COG3: variants seen among roughly 807,000 people sequenced by gnomAD.
COG3 encodes the protein conserved oligomeric Golgi complex subunit 3.
COG3 carries 32 observed loss-of-function variants against 114.1 expected under a neutral mutation model. That is an observed-to-expected ratio of 0.28 (90% CI 0.21 to 0.38). The LOEUF (loss-of-function observed/expected upper bound fraction) is 0.38, where lower values mean the gene tolerates loss of function less well. Among genes scored for constraint, COG3 ranks in the 10% least tolerant of loss-of-function variants. COG3 has a pLI of 1.00. For missense variants in COG3, 813 were observed against 973.2 expected, an observed-to-expected ratio of 0.84 and a Z score of 2.19; for synonymous variants, 352 against 365.7, an observed-to-expected ratio of 0.96 and a Z score of 0.43.
chr13:45,479,988 C>A, intron 3 of COG3, 137 bp from the exon 4 acceptor site: 1 of 614,124 alleles, frequency 1.6e-6, no homozygotes, highest in Non-Finnish European at 2.8e-6. Context: ...CATTTCTTAA[C>A]ATAATCAACT....
chr13:45,507,304 A>G (rs1253457662), intron 14 of COG3, among the ~76,000 whole-genome samples: 2 of 152,220 alleles, frequency 1.3e-5, no homozygotes, highest in Non-Finnish European at 2.9e-5. Flanking sequence ...TAATTTGTTT[A>G]TTCTTTTTCT....
At chr13:45,469,876 A>G (rs1338344395) in intron 1 of COG3, among the ~76,000 whole-genome samples, 1 of 152,224 alleles carries the variant, frequency 6.6e-6, no homozygotes, top group Non-Finnish European at 1.5e-5. Flanking sequence ...AAAATTCAAA[A>G]TTATTTCTTT....
chr13:45,501,872 G>C (rs1418328019), intron 13 of COG3, among the ~76,000 whole-genome samples: 1 of 152,180 alleles, frequency 6.6e-6, no homozygotes, highest in African/African-American at 2.4e-5. Context: ...GTTCTTACCT[G>C]TTTTGAGGAT....
At chr13:45,510,738 A>G (rs115623294) in intron 15 of COG3, among the ~76,000 whole-genome samples, 237 of 152,332 alleles carry the variant, frequency 1.6e-3, no homozygotes, top group African/African-American at 5.3e-3. Flanking sequence ...TTATATTCAA[A>G]TCTTAACACT....
chr13:45,476,899 T>C (rs1885902554), intron 2 of COG3, among the ~76,000 whole-genome samples: 1 of 152,164 alleles, frequency 6.6e-6, no homozygotes, highest in Non-Finnish European at 1.5e-5. Flanking sequence ...ATTGACCAAA[T>C]AAAACATAAA....
At chr13:45,467,312 C>T (rs1295038372) in intron 1 of COG3, among the ~76,000 whole-genome samples, 1 of 152,220 alleles carries the variant, frequency 6.6e-6, no homozygotes, top group Non-Finnish European at 1.5e-5. Context: ...ATAGCTGAGG[C>T]CAGGTGCGGT....
At position 45,467,217 on chromosome 13, in the gene COG3, G is replaced by A. The variant is rs555649706; in HGVS notation, c.174+2007G>A. 3.3e-5 allele frequency among the ~76,000 whole-genome samples: 5 copies of A among 152,314 alleles called. No homozygotes were observed. In the South Asian group the frequency reaches 1.0e-3, roughly 32 times the overall value. ...AAGAAAGAACAGCATAAGGTCATGGGTAGAGGATGAGCTTAATGAGTTCAA... is the reference window on the plus strand; with the variant it reads ...AAGAAAGAACAGCATAAGGTCATGGATAGAGGATGAGCTTAATGAGTTCAA... On this transcript the variant is annotated intron_variant, in intron 1 of 22. Coordinates refer to ENST00000349995, the MANE Select transcript of COG3 (RefSeq NM_031431.4).
At chr13:45,475,025 T>C (rs1885773726) in intron 1 of COG3, among the ~76,000 whole-genome samples, 1 of 152,204 alleles carries the variant, frequency 6.6e-6, no homozygotes, top group Non-Finnish European at 1.5e-5. Context: ...GGTCTAATAT[T>C]GTCAAAGTGA....
intron 11 of COG3, among the ~76,000 whole-genome samples, chr13:45,492,977 C>A (rs952891876): frequency 3.3e-5 from 5 of 152,058 alleles, no homozygotes; most frequent in African/African-American, 1.2e-4. Flanking sequence ...GAAAAAGTTA[C>A]CATTTGATTG....
intron 13 of COG3, among the ~76,000 whole-genome samples, chr13:45,497,742 C>T (rs777313607): frequency 2.6e-5 from 4 of 151,664 alleles, no homozygotes; most frequent in African/African-American, 4.8e-5. Context: ...GCCGAGATCA[C>T]GCCATTGCAC....
At chr13:45,527,057 A>C (rs1872760480) in intron 20 of COG3, among the ~76,000 whole-genome samples, 1 of 152,244 alleles carries the variant, frequency 6.6e-6, no homozygotes, top group African/African-American at 2.4e-5. Flanking sequence ...TTAAGATTTA[A>C]AGGTAGAAAC....
chr13:45,530,312 C>G (rs3014895), intron 21 of COG3, among the ~76,000 whole-genome samples: 1 of 152,000 alleles, frequency 6.6e-6, no homozygotes, highest in African/African-American at 2.4e-5. Context: ...AAATTTAGGG[C>G]TCATAATTTC....
intron 1 of COG3, among the ~76,000 whole-genome samples, chr13:45,470,992 C>A (rs1167352851): frequency 6.6e-6 from 1 of 152,210 alleles, no homozygotes; most frequent in Non-Finnish European, 1.5e-5. Flanking sequence ...TTTTCAACTT[C>A]CGAAGGGTTT....
intron 20 of COG3, 99 bp from the exon 21 acceptor site, chr13:45,529,689 TTTC>T: frequency 1.3e-6 from 1 of 795,278 alleles, no homozygotes; most frequent in South Asian, 2.2e-5. Flanking sequence ...TAAAGAGTCT[TTTC>T]TTCTGCTATT....
chr13:45,480,242 T>A lies in COG3; in HGVS notation c.501T>A (p.Asn167Lys), dbSNP rs753218301. Residue 167 changes from asparagine (N) to lysine (K), a missense_variant, in exon 4 of 23, where the codon AAT (asparagine) becomes AAA (lysine). Coordinates refer to ENST00000349995, the MANE Select transcript of COG3 (RefSeq NM_031431.4). ...SLQKQYLFVS[N>K]KTGTLHEACE... ...AGAAACAGTATCTTTTTGTGTCCAA[T>A]AAGACAGGAACCCTACATGAAGCCT... 3.1e-6 allele frequency: 5 copies of A among 1,613,644 alleles called. No homozygotes were observed. The highest frequency in any genetic ancestry group is 1.1e-5 in the South Asian group (1 of 91,070).
chr13:45,516,056 AT>A (rs1322294006), intron 16 of COG3, 86 bp from the exon 17 acceptor site: 1 of 960,294 alleles, frequency 1.0e-6, no homozygotes, highest in African/African-American at 1.6e-5. Flanking sequence ...ACCTAGGTAG[AT>A]TAATGTTGAT....
chr13:45,482,105 AT>A (rs1886282134), intron 5 of COG3, among the ~76,000 whole-genome samples: 1 of 152,172 alleles, frequency 6.6e-6, no homozygotes, highest in Admixed American at 6.5e-5. Flanking sequence ...TGAATATGAC[AT>A]TGTATAGTGG....
In COG3 at chr13:45,534,741, C is replaced by G. The variant is rs1459673133; in HGVS notation, c.*10C>G. 1.3e-6 allele frequency: 2 copies of G among 1,556,626 alleles called. No individual in the cohort carries two copies. Among genetic ancestry groups the G allele is most frequent in the East Asian group, 2.4e-5 (1 of 42,154 alleles). On this transcript the variant is annotated 3_prime_UTR_variant, in exon 23 of 23. Coordinates refer to ENST00000349995, the MANE Select transcript of COG3 (RefSeq NM_031431.4). ...GTTGGTTTCTAAATAAGCAGGCCAG[C>G]CGGGCTGTGCACCTAAATGTCTGTC...
chr13:45,467,735 A>T (rs1885236347), intron 1 of COG3, among the ~76,000 whole-genome samples: 1 of 152,124 alleles, frequency 6.6e-6, no homozygotes, highest in South Asian at 2.1e-4. Flanking sequence ...TTTGGAATTA[A>T]TTTTTTTAGC....
Sources: gnomAD v4.1 joint callset for allele counts (sites outside exome capture counted in the v4.1 genomes callset) on GRCh38, gnomAD v4.1.1 for gene constraint, MANE v1.5 for transcripts, NCBI Gene and HGNC (gene_info 2026-07-23, HGNC 2026-07-21) for gene names.